The following NMRK1 variants were observed in gnomAD, a reference collection of about 807,000 sequenced individuals.
NMRK1 encodes NRK 1.
Under a neutral mutation model 29.9 loss-of-function variants are expected in NMRK1, and 28 were observed. The observed-to-expected ratio is 0.94, with a 90% CI of 0.69 to 1.28. The LOEUF is 1.28. NMRK1 is among the 50% of genes most tolerant of loss of function. The pLI is 0.00. For synonymous variants in NMRK1, 58 were observed against 73.0 expected (o/e 0.79, Z 1.05); for missense variants, 218 against 233.1 (o/e 0.94, Z 0.42).
At chr9:75,065,483 A>G (rs1823286005) in intron 8 of NMRK1, among the ~76,000 whole-genome samples, 1 of 152,020 alleles carries the variant, frequency 6.6e-6, no homozygotes, top group Non-Finnish European at 1.5e-5. Flanking sequence ...ATTTTTAAAA[A>G]ATTTTAATTT....
intron 8 of NMRK1, among the ~76,000 whole-genome samples, chr9:75,062,178 T>C (rs1823060595): frequency 6.6e-6 from 1 of 152,210 alleles, no homozygotes; most frequent in African/African-American, 2.4e-5. Context: ...AGAGTAGGTG[T>C]AGATATTTTT....
chr9:75,062,847 CA>C (rs1408896292), intron 8 of NMRK1, among the ~76,000 whole-genome samples: 1 of 152,114 alleles, frequency 6.6e-6, no homozygotes, highest in Non-Finnish European at 1.5e-5. Context: ...GCCTGATCAA[CA>C]TAGCAAAACC....
At chr9:75,066,286 T>TC (rs1823341255) in intron 8 of NMRK1, 1 of 518,496 alleles carries the variant, frequency 1.9e-6, no homozygotes, top group Non-Finnish European at 3.9e-6. Flanking sequence ...AACAGTGCCG[T>TC]CCAATATGAA....
chr9:75,063,111 T>C (rs1823123635), intron 8 of NMRK1, among the ~76,000 whole-genome samples: 3 of 151,882 alleles, frequency 2.0e-5, no homozygotes, highest in Non-Finnish European at 4.4e-5. Context: ...GAGATCACCC[T>C]GGCTAACATG....
chr9:75,078,243 A>T, intron 2 of NMRK1: 1 of 1,536,788 alleles, frequency 6.5e-7, no homozygotes, highest in Non-Finnish European at 8.8e-7. Context: ...GTGCAAGTGT[A>T]TAAAACTGCA....
At chr9:75,076,421 C>T (rs1320917520) in intron 4 of NMRK1, among the ~76,000 whole-genome samples, 1 of 151,416 alleles carries the variant, frequency 6.6e-6, no homozygotes, top group Non-Finnish European at 1.5e-5. Context: ...ACCAGAGACC[C>T]GGAAGGGGAG....
intron 2 of NMRK1, among the ~76,000 whole-genome samples, chr9:75,078,890 T>C (rs1824162979): frequency 6.6e-6 from 1 of 152,210 alleles, no homozygotes; most frequent in South Asian, 2.1e-4. Context: ...ACAAATTTGT[T>C]TTTAAAAATA....
intron 1 of NMRK1, 175 bp downstream of exon 1, chr9:75,087,833 G>A: frequency 6.6e-6 from 1 of 152,310 alleles, no homozygotes; most frequent in Non-Finnish European, 1.5e-5. Context: ...ACGCCACCAT[G>A]AGTACACGTC....
At chr9:75,061,631 C>T (rs1233677250) in intron 8 of NMRK1, 64 bp from the exon 9 acceptor site, 2 of 1,301,148 alleles carry the variant, frequency 1.5e-6, no homozygotes, top group Non-Finnish European at 2.2e-6. Context: ...TAAATCTTTA[C>T]ATCAACAACA....
intron 4 of NMRK1, among the ~76,000 whole-genome samples, chr9:75,076,112 A>C (rs1020941747): frequency 1.4e-4 from 22 of 152,258 alleles, no homozygotes; most frequent in Non-Finnish European, 1.5e-5. Flanking sequence ...ATATCCAAGA[A>C]ATAGCTGCAC....
At chr9:75,075,204 G>A (rs1452793380) in intron 4 of NMRK1, among the ~76,000 whole-genome samples, 3 of 152,030 alleles carry the variant, frequency 2.0e-5, no homozygotes, top group African/African-American at 7.2e-5. Flanking sequence ...TTTCCTACTG[G>A]GATATTAGTT....
At chr9:75,082,938 C>G in intron 2 of NMRK1, 149 bp downstream of exon 2, 1 of 638,644 alleles carries the variant, frequency 1.6e-6, no homozygotes, top group Non-Finnish European at 2.8e-6. Context: ...ATTTATGAAG[C>G]CAGTGCTCCA....
chr9:75,087,811 C>CG (rs1418402482), intron 1 of NMRK1, 197 bp downstream of exon 1: 1 of 152,236 alleles, frequency 6.6e-6, no homozygotes, highest in Admixed American at 6.5e-5. Context: ...TATTCCGGGG[C>CG]GCTAGAGCAC....
chr9:75,079,243 G>A (rs2118201322), intron 2 of NMRK1, among the ~76,000 whole-genome samples: 1 of 152,236 alleles, frequency 6.6e-6, no homozygotes, highest in East Asian at 1.9e-4. Flanking sequence ...GTAGGATATG[G>A]GCCATCTCTT....
intron 2 of NMRK1, chr9:75,078,509 G>T: frequency 9.6e-7 from 1 of 1,038,792 alleles, no homozygotes; most frequent in Admixed American, 3.6e-5. Context: ...GCAGCATCGA[G>T]GAGATCACAC....
intron 4 of NMRK1, among the ~76,000 whole-genome samples, chr9:75,072,988 T>C (rs1823783457): frequency 2.0e-5 from 3 of 152,248 alleles, no homozygotes; most frequent in Non-Finnish European, 4.4e-5. Context: ...TGAGTCTCAT[T>C]AGTGGCTGTT....
At chr9:75,085,865 G>C (rs1824596379) in intron 1 of NMRK1, among the ~76,000 whole-genome samples, 2 of 139,884 alleles carry the variant, frequency 1.4e-5, no homozygotes. Context: ...GTGACAATGT[G>C]ATGGGAAGGG....
intron 3 of NMRK1, 61 bp downstream of exon 3, chr9:75,077,429 A>G (rs1350102150): frequency 2.0e-5 from 24 of 1,218,974 alleles, no homozygotes; most frequent in Non-Finnish European, 2.7e-5. Flanking sequence ...ATGTAATTCA[A>G]TTAACGTGGT....
chr9:75,069,167 T>C (rs2118064020), intron 6 of NMRK1, 65 bp from the exon 7 acceptor site: 9 of 1,140,498 alleles, frequency 7.9e-6, no homozygotes, highest in Non-Finnish European at 1.2e-5. Context: ...AAAATATGAA[T>C]GGTCAGGATA....
Sources: allele counts gnomAD v4.1 joint callset (sites outside exome capture counted in the v4.1 genomes callset), GRCh38; gene constraint gnomAD v4.1.1; transcripts MANE v1.5; gene names NCBI Gene and HGNC (gene_info 2026-07-23, HGNC 2026-07-21).